Variants in ADAMTS12 observed in about 807,000 individuals in gnomAD.
ADAMTS12 encodes ADAM metallopeptidase with thrombospondin type 1 motif 12.
In ADAMTS12, 118 loss-of-function variants were observed where a neutral mutation model predicts 167.8. The observed-to-expected ratio is 0.70, with a 90% CI of 0.61 to 0.82. ADAMTS12 has a LOEUF of 0.82. ADAMTS12 is among the 40% of genes least tolerant of loss of function. The pLI is 0.00. For synonymous variants in ADAMTS12, 704 were observed against 716.9 expected, an observed-to-expected ratio of 0.98 and a Z score of 0.29; for missense variants, 1,916 against 1,998.8, an observed-to-expected ratio of 0.96 and a Z score of 0.79.
rs142970514 is a variant in ADAMTS12, at chr5:33,830,041, G to A, written c.489+51078C>T. On this transcript the variant is annotated intron_variant, in intron 2 of 23. Transcript: ENST00000504830. ...CCAGACAGCCCAAACTGGAAGACAG[G>A]TCAGTGGCTTTGATATAAATCAAAG... Among the ~76,000 whole-genome samples the A allele has an allele frequency of 1.7e-3, 257 of 152,320 alleles. 1 individual carries two copies. The highest frequency in any genetic ancestry group is 6.0e-3 in the African/African-American group (251 of 41,562).
chr5:33,793,068 G>A (rs1392714742), intron 2 of ADAMTS12, among the ~76,000 whole-genome samples: 1 of 152,226 alleles, frequency 6.6e-6, no homozygotes, highest in Non-Finnish European at 1.5e-5. Flanking sequence ...TGCCACAGTG[G>A]ATCACTGGGG....
chr5:33,611,342 T>G (rs929554439), intron 16 of ADAMTS12, among the ~76,000 whole-genome samples: 1 of 152,236 alleles, frequency 6.6e-6, no homozygotes, highest in African/African-American at 2.4e-5. Context: ...TGGGACTTTT[T>G]TTTTTTTTGT....
At chr5:33,564,753 C>T (rs929433393) in intron 19 of ADAMTS12, among the ~76,000 whole-genome samples, 1 of 152,076 alleles carries the variant, frequency 6.6e-6, no homozygotes, top group Non-Finnish European at 1.5e-5. Context: ...TCATTCATGC[C>T]TCTCAGACAT....
chr5:33,866,843 T>C (rs1485268644), intron 2 of ADAMTS12, among the ~76,000 whole-genome samples: 4 of 151,926 alleles, frequency 2.6e-5, no homozygotes, highest in Non-Finnish European at 5.9e-5. Flanking sequence ...GAAAAAATGC[T>C]CAACATCACT....
chr5:33,691,217 A>G (rs1425632381), intron 3 of ADAMTS12, among the ~76,000 whole-genome samples: 1 of 152,224 alleles, frequency 6.6e-6, no homozygotes, highest in East Asian at 1.9e-4. Context: ...AAGACTACCT[A>G]TATTGTGACT....
chr5:33,628,160 A>T (rs919847256), intron 13 of ADAMTS12, among the ~76,000 whole-genome samples: 1 of 152,120 alleles, frequency 6.6e-6, no homozygotes, highest in African/African-American at 2.4e-5. Flanking sequence ...CGTTATGCTG[A>T]CTGTGTGAAG....
intron 1 of ADAMTS12, among the ~76,000 whole-genome samples, chr5:33,890,878 C>A (rs572032516): frequency 6.6e-6 from 1 of 152,264 alleles, no homozygotes; most frequent in East Asian, 1.9e-4. Flanking sequence ...AACACTGGTA[C>A]CTGCACCCTG....
chr5:33,741,537 T>TG (rs768539662), intron 3 of ADAMTS12, among the ~76,000 whole-genome samples: 1 of 152,182 alleles, frequency 6.6e-6, no homozygotes, highest in Non-Finnish European at 1.5e-5. Flanking sequence ...ATACGGATTT[T>TG]GGGGAGGACA....
intron 2 of ADAMTS12, among the ~76,000 whole-genome samples, chr5:33,779,149 C>T (rs1746021793): frequency 6.6e-6 from 1 of 151,218 alleles, no homozygotes; most frequent in South Asian, 2.1e-4. Context: ...ATCAATCTCA[C>T]TTCTGGGTAT....
chr5:33,883,327 G>GTTTTTTTTTTTTTT (rs79064946), intron 1 of ADAMTS12, among the ~76,000 whole-genome samples: 16 of 111,596 alleles, frequency 1.4e-4, no homozygotes, highest in Admixed American at 1.8e-4. Flanking sequence ...TTTTTTTTTT[G>GTTTTTTTTTTTTTT]TTTTTTTTTT....
intron 14 of ADAMTS12, among the ~76,000 whole-genome samples, chr5:33,618,112 T>G (rs1316101861): frequency 6.6e-6 from 1 of 152,230 alleles, no homozygotes; most frequent in Non-Finnish European, 1.5e-5. Context: ...ATATTTTTTG[T>G]GTTATATGCA....
intron 19 of ADAMTS12, among the ~76,000 whole-genome samples, chr5:33,575,034 G>C (rs1746616158): frequency 6.6e-6 from 1 of 152,068 alleles, no homozygotes; most frequent in Admixed American, 6.5e-5. Flanking sequence ...GGATGTAATT[G>C]GTTCTAGAAA....
At chr5:33,657,215 G>A (rs555315107) in intron 7 of ADAMTS12, among the ~76,000 whole-genome samples, 29 of 152,316 alleles carry the variant, frequency 1.9e-4, no homozygotes, top group African/African-American at 6.7e-4. Context: ...AAAATGGTGA[G>A]CAAGCTGAAA....
At chr5:33,707,280 C>T (rs771960508) in intron 3 of ADAMTS12, among the ~76,000 whole-genome samples, 1 of 151,720 alleles carries the variant, frequency 6.6e-6, no homozygotes, top group Non-Finnish European at 1.5e-5. Flanking sequence ...GAACTACAAA[C>T]CACTGCTCAA....
At chr5:33,592,378 T>G (rs1171828098) in intron 17 of ADAMTS12, among the ~76,000 whole-genome samples, 1 of 152,182 alleles carries the variant, frequency 6.6e-6, no homozygotes, top group African/African-American at 2.4e-5. Context: ...GAAACCTACA[T>G]GTAGCTGCCA....
chr5:33,741,983 T>C (rs1436011915), intron 3 of ADAMTS12, among the ~76,000 whole-genome samples: 1 of 152,244 alleles, frequency 6.6e-6, no homozygotes, highest in Non-Finnish European at 1.5e-5. Context: ...TATATACTCT[T>C]ACAGCATTTG....
intron 20 of ADAMTS12, among the ~76,000 whole-genome samples, chr5:33,560,468 C>T (rs1278843391): frequency 1.3e-5 from 2 of 152,146 alleles, no homozygotes; most frequent in African/African-American, 4.8e-5. Flanking sequence ...AAGACACATG[C>T]ACACGTATGT....
intron 15 of ADAMTS12, 24 bp downstream of exon 15, chr5:33,615,804 C>T (rs1266684689): frequency 1.9e-6 from 3 of 1,613,408 alleles, no homozygotes; most frequent in East Asian, 2.2e-5. Flanking sequence ...CACATGTCAG[C>T]AGTTTCCCTC....
intron 2 of ADAMTS12, among the ~76,000 whole-genome samples, chr5:33,842,431 T>C (rs1748778029): frequency 6.6e-6 from 1 of 152,138 alleles, no homozygotes; most frequent in Admixed American, 6.5e-5. Context: ...TATAAGAAAA[T>C]CCTCAAGGTT....
Sources: gnomAD v4.1 joint callset for allele counts (sites outside exome capture counted in the v4.1 genomes callset) on GRCh38, gnomAD v4.1.1 for gene constraint, MANE v1.5 for transcripts, NCBI Gene and HGNC (gene_info 2026-07-23, HGNC 2026-07-21) for gene names.